CNTNAP3B: variants seen among roughly 807,000 people sequenced by gnomAD.
CNTNAP3B encodes the protein contactin associated protein family member 3B, also known as contactin-associated protein-like 3B.
Under a neutral mutation model 108.9 loss-of-function variants are expected in CNTNAP3B, and 25 were observed. The observed-to-expected ratio is 0.23, with a 90% CI of 0.17 to 0.32. The LOEUF (loss-of-function observed/expected upper bound fraction) is 0.32, where lower values mean the gene tolerates loss of function less well. Among genes scored for constraint, CNTNAP3B ranks in the 10% least tolerant of loss-of-function variants. The probability of loss-of-function intolerance (pLI) is 1.00; values close to 1 mark genes in which losing one functional copy is unlikely to be tolerated. For synonymous variants in CNTNAP3B, 103 were observed against 473.4 expected, an observed-to-expected ratio of 0.22 and a Z score of 10.16; for missense variants, 252 against 1,210.4, an observed-to-expected ratio of 0.21 and a Z score of 11.75.
Position 41,986,237 on chromosome 9 carries a change from C to A in CNTNAP3B, c.1408G>T (p.Asp470Tyr), listed in dbSNP as rs574076575. The A allele has an allele frequency of 1.8e-6, 2 of 1,095,680 alleles. 1 individual carries two copies. Among genetic ancestry groups the A allele is most frequent in the East Asian group, 1.3e-4 (2 of 15,248 alleles). 67.9% of individuals were successfully genotyped at this position (1,095,680 alleles called of 1,614,324 possible). A position where few individuals can be genotyped will look rare whatever the true frequency, so the allele number is the denominator to read the frequency against. The change falls in exon 9 of 24, where the codon GAT becomes TAT. Residue 470 changes from aspartate to tyrosine, a missense_variant. Physicochemically the swap from Asp to Tyr is radical, Grantham distance 160. Coordinates refer to ENST00000377561, the MANE Select transcript of CNTNAP3B (RefSeq NM_001201380.3). ...AKWSHMNVVVDDDTAVQPLVA... is the reference protein window; with the variant it reads ...AKWSHMNVVVYDDTAVQPLVA... ...AGGGGCTGAACAGCTGTGTCATCAT[C>A]CACCACCACATTCATATGGCTCCAC...
intron 9 of CNTNAP3B, among the ~76,000 whole-genome samples, chr9:41,977,806 T>C (rs1157544517): frequency 9.1e-6 from 1 of 110,492 alleles, no homozygotes; most frequent in African/African-American, 3.8e-5. Flanking sequence ...TTTTTTTTTG[T>C]ATTTTTAGTA....
chr9:42,117,788 A>C (rs541401238), intron 1 of CNTNAP3B, among the ~76,000 whole-genome samples: 2 of 138,196 alleles, frequency 1.4e-5, no homozygotes. Context: ...AGCAAGACTA[A>C]TAAAGAAGAA....
chr9:42,075,216 C>A (rs1336667587), intron 3 of CNTNAP3B, among the ~76,000 whole-genome samples: 1 of 146,476 alleles, frequency 6.8e-6, no homozygotes, highest in South Asian at 2.2e-4. Context: ...TAGGGTCAAC[C>A]CTCCTGACTA....
At chr9:41,986,438 A>G (rs1825704345) in intron 8 of CNTNAP3B, 127 bp from the exon 9 acceptor site, 1 of 1,074,986 alleles carries the variant, frequency 9.3e-7, no homozygotes, top group African/African-American at 1.8e-5. Flanking sequence ...TGTATCACTG[A>G]AAAAAACATT....
intron 3 of CNTNAP3B, among the ~76,000 whole-genome samples, chr9:42,042,326 A>C (rs1215804882): frequency 8.0e-6 from 1 of 125,462 alleles, no homozygotes; most frequent in Non-Finnish European, 1.7e-5. Context: ...AGAGTTGTCA[A>C]TTTTCGCTCT....
At chr9:42,044,862 C>T (rs928748648) in intron 3 of CNTNAP3B, among the ~76,000 whole-genome samples, 1 of 120,226 alleles carries the variant, frequency 8.3e-6, no homozygotes, top group Non-Finnish European at 1.7e-5. Flanking sequence ...AGAGAAAAAT[C>T]CTGAGCAATA....
Position 42,095,127 on chromosome 9 carries a change from A to G in CNTNAP3B, c.196+9502T>C, listed in dbSNP as rs1179774827. ...AAGAACAACAGAAATTATTATTCCT[A>G]TCTACCCAAAACTATGTACCTACTG... is the stretch of plus-strand genomic sequence containing the variant. On this transcript the variant is annotated intron_variant, in intron 2 of 23. Transcript: ENST00000377561. Among the ~76,000 whole-genome samples, 5 of 135,976 alleles carry G rather than the reference A, an allele frequency of 3.7e-5. 1 individual carries two copies. The highest frequency in any genetic ancestry group is 1.2e-4 in the African/African-American group (4 of 33,136). The allele number at this position is 135,976 out of a possible 152,430, so 89.2% of individuals were successfully genotyped here. A position where few individuals can be genotyped will look rare whatever the true frequency, so the allele number is the denominator to read the frequency against.
chr9:41,922,423 A>T (rs1481703621), intron 17 of CNTNAP3B, among the ~76,000 whole-genome samples: 3 of 141,138 alleles, frequency 2.1e-5, no homozygotes, highest in Non-Finnish European at 4.6e-5. Flanking sequence ...CTGAGATTGC[A>T]CCACTGCACT....
intron 11 of CNTNAP3B, among the ~76,000 whole-genome samples, chr9:41,961,443 A>C (rs1347589332): frequency 2.0e-5 from 3 of 152,420 alleles, no homozygotes; most frequent in African/African-American, 7.2e-5. Context: ...CATGGCAAAT[A>C]TACCTCAGAA....
intron 3 of CNTNAP3B, among the ~76,000 whole-genome samples, chr9:42,044,303 G>A (rs896801978): frequency 2.0e-5 from 3 of 151,394 alleles, no homozygotes; most frequent in African/African-American, 7.3e-5. Context: ...AGTACATATA[G>A]GGTTCAGCAC....
At chr9:41,939,608 T>C (rs937979762) in intron 13 of CNTNAP3B, among the ~76,000 whole-genome samples, 4 of 152,290 alleles carry the variant, frequency 2.6e-5, no homozygotes, top group Non-Finnish European at 1.5e-5. Context: ...ACGTAAAAGA[T>C]ATTTTTAAAA....
intron 3 of CNTNAP3B, among the ~76,000 whole-genome samples, chr9:42,021,908 C>T (rs1471320186): frequency 1.2e-4 from 16 of 132,480 alleles, no homozygotes; most frequent in South Asian, 2.5e-4. Context: ...GAGACCTGAT[C>T]TAGTTAACCC....
chr9:41,986,496 CAT>C (rs1267226442), intron 8 of CNTNAP3B, among the ~76,000 whole-genome samples, 185 bp from the exon 9 acceptor site: 1 of 142,976 alleles, frequency 7.0e-6, no homozygotes, highest in African/African-American at 2.7e-5. Context: ...GAAAATAACA[CAT>C]GAATAAAAAT....
intron 3 of CNTNAP3B, among the ~76,000 whole-genome samples, chr9:42,020,004 ATGTT>A (rs1241510337): frequency 7.9e-6 from 1 of 126,522 alleles, no homozygotes; most frequent in Non-Finnish European, 1.6e-5. Flanking sequence ...ATACATTTGT[ATGTT>A]TGATACTTGA....
intron 15 of CNTNAP3B, among the ~76,000 whole-genome samples, chr9:41,928,260 A>G (rs1823873598): frequency 6.6e-6 from 1 of 152,224 alleles, no homozygotes; most frequent in Non-Finnish European, 1.5e-5. Flanking sequence ...AGCATGCAGC[A>G]TGAGTGTCAG....
rs77371065 is a variant in CNTNAP3B at position 41,937,098 on chromosome 9, A to T, written c.2237+1146T>A. ...TACTGACACCTGGAATGACCATTAC[A>T]TTTTTTATTTATTAATTTATTATTA... is the stretch of plus-strand genomic sequence containing the variant. On this transcript the variant is annotated intron_variant, in intron 14 of 23. Transcript: ENST00000377561. Among the ~76,000 whole-genome samples the T allele has an allele frequency of 7.1e-5, 10 of 141,212 alleles. No individual in the cohort carries two copies. The East Asian group carries it at 1.8e-3, about 26-fold the overall frequency. The allele number at this position is 141,212 out of a possible 152,430, so 92.6% of individuals were successfully genotyped here.
intron 3 of CNTNAP3B, among the ~76,000 whole-genome samples, chr9:42,025,092 G>A (rs955590786): frequency 7.3e-6 from 1 of 136,950 alleles, no homozygotes; most frequent in African/African-American, 2.8e-5. Flanking sequence ...GGCACCAACT[G>A]TCCGCCCTTG....
chr9:41,943,893 C>T (rs1824444613), intron 13 of CNTNAP3B, among the ~76,000 whole-genome samples: 1 of 152,268 alleles, frequency 6.6e-6, no homozygotes, highest in African/African-American at 2.4e-5. Context: ...TGAAGACTTT[C>T]TTAAAATTAA....
intron 18 of CNTNAP3B, among the ~76,000 whole-genome samples, chr9:41,917,174 C>T (rs1823538729): frequency 6.6e-6 from 1 of 152,106 alleles, no homozygotes; most frequent in South Asian, 2.1e-4. Context: ...TGTTGGTGTG[C>T]TTAGTTATGT....
Sources: allele counts gnomAD v4.1 joint callset (sites outside exome capture counted in the v4.1 genomes callset), GRCh38; gene constraint gnomAD v4.1.1; transcripts MANE v1.5; gene names NCBI Gene and HGNC (gene_info 2026-07-23, HGNC 2026-07-21).